The following TPX2 variants were observed in gnomAD, a reference collection of about 807,000 sequenced individuals.
TPX2 encodes the protein TPX2 microtubule nucleation factor.
Under a neutral mutation model 93.6 loss-of-function variants are expected in TPX2, and 21 were observed. The observed-to-expected ratio is 0.22, with a 90% CI of 0.16 to 0.32. TPX2 has a LOEUF of 0.32. Among genes scored for constraint, TPX2 ranks in the 10% least tolerant of loss-of-function variants. The probability of loss-of-function intolerance (pLI) is 1.00; values close to 1 mark genes in which losing one functional copy is unlikely to be tolerated. For missense variants in TPX2, 776 were observed against 871.1 expected (o/e 0.89, Z 1.37); for synonymous variants, 281 against 298.3 (o/e 0.94, Z 0.60).
chr20:31,764,219 G>T (rs2061910489), intron 4 of TPX2, among the ~76,000 whole-genome samples: 1 of 151,768 alleles, frequency 6.6e-6, no homozygotes, highest in Non-Finnish European at 1.5e-5. Context: ...ACCCAGGCTG[G>T]ACTGCAGTGG....
intron 11 of TPX2, among the ~76,000 whole-genome samples, chr20:31,783,504 G>T (rs2062047187): frequency 6.6e-6 from 1 of 152,106 alleles, no homozygotes; most frequent in African/African-American, 2.4e-5. Flanking sequence ...GCTCACCTTG[G>T]CTTCCCAAAG....
chr20:31,771,576 A>G lies in TPX2; in HGVS notation c.502A>G (p.Lys168Glu). 1 of 1,609,390 alleles carries G rather than the reference A, an allele frequency of 6.2e-7. No individual in the cohort carries two copies. Among genetic ancestry groups the G allele is most frequent in the Non-Finnish European group, 8.5e-7 (1 of 1,178,946 alleles). Reference protein sequence around the residue: ...KKMKVSNNKKKPEEEGSAHQD... With the variant: ...KKMKVSNNKKEPEEEGSAHQD... ...GAACTCAAGTTCTAACAACAAAAAG[A>G]AGCCAGAGGAAGAAGGCAGTGCTCA... The change falls in exon 7 of 18, where the codon AAG becomes GAG. Residue 168 changes from lysine (K) to glutamate (E), a missense_variant. By Grantham distance (56) the Lys-to-Glu change is moderately conservative. Transcript: ENST00000300403.
chr20:31,800,069 A>G (rs2062160870), intron 17 of TPX2, among the ~76,000 whole-genome samples: 1 of 152,118 alleles, frequency 6.6e-6, no homozygotes, highest in African/African-American at 2.4e-5. Flanking sequence ...CAACATAGCA[A>G]AGTCCCATCT....
At chr20:31,741,387 C>T (rs1056478689) in intron 1 of TPX2, among the ~76,000 whole-genome samples, 1 of 151,540 alleles carries the variant, frequency 6.6e-6, no homozygotes, top group African/African-American at 2.4e-5. Flanking sequence ...TTTCAGCTCA[C>T]TGCAACTTCT....
chr20:31,749,868 C>T (rs1341438573), intron 2 of TPX2, among the ~76,000 whole-genome samples: 1 of 151,954 alleles, frequency 6.6e-6, no homozygotes, highest in African/African-American at 2.4e-5. Flanking sequence ...TTTATTAAGT[C>T]AATGCCCCAG....
At chr20:31,758,060 C>G (rs112611203) in intron 3 of TPX2, among the ~76,000 whole-genome samples, 1,877 of 151,622 alleles carry the variant, frequency 0.012, 31 homozygotes, top group African/African-American at 0.044. Context: ...TGTCTACCAT[C>G]ACAGTCAAGA....
chr20:31,793,574 T>A (rs1162498522), intron 13 of TPX2, among the ~76,000 whole-genome samples: 2 of 152,192 alleles, frequency 1.3e-5, no homozygotes, highest in Admixed American at 1.3e-4. Context: ...GGGACCGATC[T>A]TCTGATGTTC....
chr20:31,743,266 T>A (rs948505540), intron 2 of TPX2, among the ~76,000 whole-genome samples: 1 of 152,208 alleles, frequency 6.6e-6, no homozygotes, highest in African/African-American at 2.4e-5. Flanking sequence ...GTGTAGTATT[T>A]GCATATAGCT....
intron 2 of TPX2, among the ~76,000 whole-genome samples, chr20:31,753,262 A>T (rs558064343): frequency 2.0e-5 from 3 of 152,232 alleles, no homozygotes; most frequent in Non-Finnish European, 2.9e-5. Context: ...ATTGTGCTGA[A>T]GTCACGAGCC....
In TPX2 at chr20:31,778,842, T is replaced by A. The variant is rs1160757902; in HGVS notation, c.912T>A (p.Val304=). 1.2e-6 allele frequency: 2 copies of A among 1,602,444 alleles called. No individual in the cohort carries two copies. The highest frequency in any genetic ancestry group is 1.7e-6 in the Non-Finnish European group (2 of 1,176,266). The change falls in exon 10 of 18, where the codon GTT becomes GTA. Residue 304 remains valine, a synonymous_variant. Transcript: ENST00000300403. ...GAGTGACTAAGGGATGTACCATTGT[T>A]AAGCCTTTCAACCTGTCCCAAGGAA... ...PARVTKGCTI[V]KPFNLSQGKK... is the part of the protein sequence containing the mutation.
chr20:31,780,585 T>A lies in TPX2; in HGVS notation c.1054+1601T>A, dbSNP rs1023166682. Among the ~76,000 whole-genome samples, 7 of 152,250 alleles carry A rather than the reference T, an allele frequency of 4.6e-5. 1 individual carries two copies. Among genetic ancestry groups the A allele is most frequent in the African/African-American group, 1.7e-4 (7 of 41,474 alleles). ...TATGCAATTTTTATTTAAAACTTTGTACAGTTACAGCTAAATAATGGTTAC... is the reference window on the plus strand; with the variant it reads ...TATGCAATTTTTATTTAAAACTTTGAACAGTTACAGCTAAATAATGGTTAC... On this transcript the variant is annotated intron_variant, in intron 10 of 17. Transcript: ENST00000300403.
intron 2 of TPX2, among the ~76,000 whole-genome samples, chr20:31,746,597 A>G (rs1252601250): frequency 6.6e-6 from 1 of 152,242 alleles, no homozygotes; most frequent in Non-Finnish European, 1.5e-5. Flanking sequence ...CACTGACTGG[A>G]TAGCAAGGTG....
chr20:31,759,164 C>T (rs1019353637), intron 3 of TPX2, among the ~76,000 whole-genome samples: 5 of 152,090 alleles, frequency 3.3e-5, no homozygotes. Flanking sequence ...TGCTGTGTCT[C>T]ACTGCATTCC....
intron 12 of TPX2, among the ~76,000 whole-genome samples, chr20:31,788,437 A>AG (rs1267443192): frequency 6.6e-6 from 1 of 151,648 alleles, no homozygotes; most frequent in African/African-American, 2.4e-5. Flanking sequence ...AAAAAAAAAA[A>AG]AAGTCTTTGA....
At chr20:31,749,309 T>C (rs530512076) in intron 2 of TPX2, among the ~76,000 whole-genome samples, 18 of 152,338 alleles carry the variant, frequency 1.2e-4, no homozygotes, top group African/African-American at 4.1e-4. Context: ...TCTATTCCAT[T>C]TGGAATCCTG....
At chr20:31,794,884 A>G (rs6060953) in intron 15 of TPX2, among the ~76,000 whole-genome samples, 62,927 of 150,780 alleles carry the variant, frequency 0.42, 16,859 homozygotes, top group African/African-American at 0.76. Context: ...GCAGTGGCAC[A>G]ATCTCGGCTC....
chr20:31,778,941 A>G lies in TPX2; in HGVS notation c.1011A>G (p.Arg337=), dbSNP rs759639865. ...AGCAAGTTGAAGACTTCCATAAACG[A>G]ACCCCTAACAGATATCATTTGAGGA... ...LAQQVEDFHK[R]TPNRYHLRSK... Residue 337 remains arginine, a synonymous_variant, in exon 10 of 18, where the codon CGA becomes CGG. Transcript: ENST00000300403. 1.2e-5 allele frequency: 20 copies of G among 1,609,218 alleles called. No homozygotes were observed. The highest frequency in any genetic ancestry group is 1.7e-5 in the Non-Finnish European group (20 of 1,178,886).
At chr20:31,797,783 C>T (rs1226592188) in intron 16 of TPX2, among the ~76,000 whole-genome samples, 1 of 152,166 alleles carries the variant, frequency 6.6e-6, no homozygotes, top group Non-Finnish European at 1.5e-5. Context: ...AGGTTTTCCC[C>T]ATCCACAGAG....
At chr20:31,790,757 G>A (rs1448509962) in intron 12 of TPX2, among the ~76,000 whole-genome samples, 1 of 152,106 alleles carries the variant, frequency 6.6e-6, no homozygotes, top group Non-Finnish European at 1.5e-5. Context: ...ACTTGCCAAG[G>A]TCTATGTTAG....
Sources: allele counts gnomAD v4.1 joint callset (sites outside exome capture counted in the v4.1 genomes callset), GRCh38; gene constraint gnomAD v4.1.1; transcripts MANE v1.5; gene names NCBI Gene and HGNC (gene_info 2026-07-23, HGNC 2026-07-21).